Variants in AFDN observed in about 807,000 individuals in gnomAD.
The protein encoded by AFDN is afadin.
A neutral mutation model predicts 216.6 loss-of-function variants in AFDN; 68 were observed. That is an observed-to-expected ratio of 0.31 (90% CI 0.26 to 0.38). AFDN has a LOEUF of 0.38. AFDN is among the 10% of genes least tolerant of loss of function. The pLI is 1.00. For missense variants in AFDN, 2,136 were observed against 2,342.0 expected (o/e 0.91, Z 1.82); for synonymous variants, 868 against 853.7 (o/e 1.02, Z -0.29).
chr6:167,865,082 T>C (rs1213878088), intron 2 of AFDN, among the ~76,000 whole-genome samples: 1 of 130,402 alleles, frequency 7.7e-6, no homozygotes, highest in East Asian at 2.2e-4. Flanking sequence ...GAATGTTTTA[T>C]GTGGCTCTTA....
intron 12 of AFDN, among the ~76,000 whole-genome samples, chr6:167,904,177 G>T (rs1449352690): frequency 6.6e-6 from 1 of 151,304 alleles, no homozygotes; most frequent in Middle Eastern, 3.4e-3. Flanking sequence ...TGTACCTTTG[G>T]TTCTGACCTC....
At chr6:167,910,960 A>C (rs1205185273) in intron 13 of AFDN, 141 bp from the exon 14 acceptor site, 2 of 704,846 alleles carry the variant, frequency 2.8e-6, no homozygotes, top group Non-Finnish European at 4.8e-6. Context: ...CTACATCTGA[A>C]AACAAGGGAT....
At chr6:167,893,961 G>T in intron 9 of AFDN, 55 bp downstream of exon 9, 1 of 1,320,490 alleles carries the variant, frequency 7.6e-7, no homozygotes, top group South Asian at 1.3e-5. Flanking sequence ...GAACCTCATG[G>T]GCAGAATAGT....
At position 167,834,457 on chromosome 6, in the gene AFDN, GTTTTTT is replaced by G. The variant is rs11446838; in HGVS notation, c.105+7237_105+7242del. On this transcript the variant is annotated intron_variant, in intron 1 of 33. Transcript: ENST00000683244. ...GATTTTTGTTGTTGTTGTTGTTTCGGTTTTTTTTTTTTTTTTTTTTTTCGAAAGGTA... is the reference window on the plus strand; with the variant it reads ...GATTTTTGTTGTTGTTGTTGTTTCGGTTTTTTTTTTTTTTTTCGAAAGGTA... Among the ~76,000 whole-genome samples, 498 of 75,256 alleles carry G rather than the reference GTTTTTT, an allele frequency of 6.6e-3. 3 individuals carry two copies. The highest frequency in any genetic ancestry group is 0.024 in the African/African-American group (459 of 19,128). The allele number at this position is 75,256 out of a possible 152,430, so 49.4% of individuals were successfully genotyped here.
intron 12 of AFDN, among the ~76,000 whole-genome samples, 169 bp from the exon 13 acceptor site, chr6:167,907,002 G>A (rs146386603): frequency 6.6e-6 from 1 of 152,318 alleles, no homozygotes; most frequent in East Asian, 1.9e-4. Flanking sequence ...TGTGCTTTGG[G>A]CACTCCCCGT....
chr6:167,952,410 C>T, intron 30 of AFDN: 1 of 1,413,610 alleles, frequency 7.1e-7, no homozygotes, highest in Non-Finnish European at 9.2e-7. Context: ...GTATTAAATA[C>T]AATTCAAATG....
intron 1 of AFDN, among the ~76,000 whole-genome samples, chr6:167,855,632 T>C (rs1442897201): frequency 6.6e-6 from 1 of 152,110 alleles, no homozygotes; most frequent in Non-Finnish European, 1.5e-5. Context: ...TTCTAGACAG[T>C]AGGAAGATAG....
chr6:167,837,861 A>G (rs1021393774), intron 1 of AFDN, among the ~76,000 whole-genome samples: 1 of 152,256 alleles, frequency 6.6e-6, no homozygotes, highest in African/African-American at 2.4e-5. Context: ...GAAGTTTTAT[A>G]GGAAAATAAT....
chr6:167,957,876 C>A (rs750924362), intron 30 of AFDN, among the ~76,000 whole-genome samples: 7 of 152,204 alleles, frequency 4.6e-5, no homozygotes, highest in Non-Finnish European at 1.0e-4. Flanking sequence ...ATATTCCTCT[C>A]ATTTCCTCAT....
chr6:167,965,866 C>T lies in AFDN; in HGVS notation c.5078C>T (p.Pro1693Leu), dbSNP rs1797491381. Residue 1693 changes from proline to leucine, a missense_variant, in exon 32 of 34, where the codon CCT becomes CTT. Coordinates refer to ENST00000683244, the MANE Select transcript of AFDN (RefSeq NM_001386888.1). ...LEPEAPGLCR[P>L]PLPRDYEPPS... Reference sequence around the variant, plus strand: ...CCCGAGGCGCCCGGTCTGTGCCGCCCTCCGCTTCCCCGGGACTACGAGCCC... The same window carrying T: ...CCCGAGGCGCCCGGTCTGTGCCGCCTTCCGCTTCCCCGGGACTACGAGCCC... 1.3e-6 allele frequency: 2 copies of T among 1,549,100 alleles called. No individual in the cohort carries two copies. Among genetic ancestry groups the T allele is most frequent in the Non-Finnish European group, 1.7e-6 (2 of 1,146,466 alleles).
At chr6:167,864,490 A>T in intron 1 of AFDN, 61 bp from the exon 2 acceptor site, 1 of 1,475,114 alleles carries the variant, frequency 6.8e-7, no homozygotes, top group African/African-American at 1.4e-5. Flanking sequence ...TTATTATTAC[A>T]AAAAGTGAAT....
Position 167,962,740 on chromosome 6 carries a change from C to T in AFDN, c.4968+173C>T. ...TGCAACTTTACCCCATCTGGCCCACCTACCTCTCTTCTGGACTGTCTCCAG... is the reference window on the plus strand; with the variant it reads ...TGCAACTTTACCCCATCTGGCCCACTTACCTCTCTTCTGGACTGTCTCCAG... On this transcript the variant is annotated intron_variant, in intron 31 of 33. Coordinates refer to ENST00000683244, the MANE Select transcript of AFDN (RefSeq NM_001386888.1). This position sits in a 1 kb window ranked among gnomAD's most constrained non-coding sequence, Gnocchi z 5.2. The T allele has an allele frequency of 3.4e-6, 5 of 1,491,978 alleles. No individual in the cohort carries two copies. The East Asian group carries it at 7.0e-5, about 21-fold the overall frequency. The allele number at this position is 1,491,978 out of a possible 1,614,324, so 92.4% of individuals were successfully genotyped here.
chr6:167,917,325 G>GTTAACTTATTTATTCTCATC, intron 20 of AFDN, 93 bp downstream of exon 20: 1 of 1,252,160 alleles, frequency 8.0e-7, no homozygotes, highest in Non-Finnish European at 1.1e-6. Context: ...TATTTAATAC[G>GTTAACTTATTTATTCTCATC]TTAACTTATT....
chr6:167,943,229 G>A (rs779115061), intron 24 of AFDN, 35 bp downstream of exon 24: 1 of 1,578,722 alleles, frequency 6.3e-7, no homozygotes, highest in South Asian at 1.1e-5. Flanking sequence ...CATTTTCAGT[G>A]TGTCATATAT....
intron 23 of AFDN, among the ~76,000 whole-genome samples, chr6:167,928,206 A>G (rs1180508309): frequency 3.9e-5 from 6 of 152,260 alleles, no homozygotes; most frequent in Admixed American, 3.9e-4. Context: ...CCGGATGTAT[A>G]AAGGAACCAG....
chr6:167,943,349 GCT>G (rs1409377222), intron 24 of AFDN, 51 bp from the exon 25 acceptor site: 4 of 1,539,498 alleles, frequency 2.6e-6, no homozygotes, highest in Non-Finnish European at 3.6e-6. Context: ...TCTTCCTCCC[GCT>G]CTCTTTGCTC....
intron 23 of AFDN, among the ~76,000 whole-genome samples, chr6:167,938,864 A>C (rs898311126): frequency 6.6e-6 from 1 of 152,210 alleles, no homozygotes; most frequent in Admixed American, 6.5e-5. Flanking sequence ...GACATCTTCC[A>C]AAAATGAAAA....
At chr6:167,873,324 T>C (rs1281893985) in intron 4 of AFDN, among the ~76,000 whole-genome samples, 2 of 152,226 alleles carry the variant, frequency 1.3e-5, no homozygotes, top group Non-Finnish European at 2.9e-5. Context: ...AACCACAGTT[T>C]CTTCAACTGG....
chr6:167,944,709 G>C (rs746134181), intron 26 of AFDN, among the ~76,000 whole-genome samples: 1 of 151,954 alleles, frequency 6.6e-6, no homozygotes, highest in African/African-American at 2.4e-5. Flanking sequence ...CCTGCACAGC[G>C]TGTCACTGTA....
Sources: allele counts gnomAD v4.1 joint callset (sites outside exome capture counted in the v4.1 genomes callset), GRCh38; gene constraint gnomAD v4.1.1; non-coding constraint Gnocchi (gnomAD v3.1); transcripts MANE v1.5; gene names NCBI Gene and HGNC (gene_info 2026-07-23, HGNC 2026-07-21).